Variants in NRG3 observed in about 807,000 individuals in gnomAD.
NRG3 encodes the protein pro-neuregulin-3, membrane-bound isoform.
Under a neutral mutation model 66.9 loss-of-function variants are expected in NRG3, and 31 were observed. The observed-to-expected ratio is 0.46, with a 90% confidence interval of 0.35 to 0.63. The LOEUF is 0.63. Ranked by LOEUF, NRG3 falls within the 20% of genes least tolerant of loss-of-function variation. NRG3 has a pLI of 0.00. For missense variants in NRG3, 910 were observed against 878.9 expected, an observed-to-expected ratio of 1.04 and a Z score of -0.45; for synonymous variants, 393 against 359.4, an observed-to-expected ratio of 1.09 and a Z score of -1.06.
At chr10:82,538,850 A>T (rs773590262) in intron 2 of NRG3, among the ~76,000 whole-genome samples, 2 of 152,194 alleles carry the variant, frequency 1.3e-5, no homozygotes, top group Admixed American at 6.5e-5. Context: ...TAGAGGAACT[A>T]TACTCTAGGT....
At chr10:82,469,850 T>C (rs1218302454) in intron 2 of NRG3, among the ~76,000 whole-genome samples, 1 of 152,248 alleles carries the variant, frequency 6.6e-6, no homozygotes, top group Non-Finnish European at 1.5e-5. Flanking sequence ...TATTTCCTTC[T>C]AATTACTTCC....
intron 1 of NRG3, among the ~76,000 whole-genome samples, chr10:82,052,276 A>G (rs2063635587): frequency 6.6e-6 from 1 of 152,138 alleles, no homozygotes; most frequent in Non-Finnish European, 1.5e-5. Flanking sequence ...CATTAACATC[A>G]ACTTCACCAG....
intron 1 of NRG3, among the ~76,000 whole-genome samples, chr10:82,167,875 A>G (rs1423854201): frequency 2.0e-5 from 3 of 152,048 alleles, no homozygotes; most frequent in Admixed American, 2.0e-4. Flanking sequence ...TTTGTTATTT[A>G]CCTATTAATT....
intron 1 of NRG3, among the ~76,000 whole-genome samples, chr10:81,986,755 G>A (rs1237959301): frequency 6.6e-6 from 1 of 152,128 alleles, no homozygotes. Flanking sequence ...ACAGTGGCAT[G>A]ATCATTGCCA....
At chr10:82,486,660 C>T (rs922833089) in intron 2 of NRG3, among the ~76,000 whole-genome samples, 1 of 152,174 alleles carries the variant, frequency 6.6e-6, no homozygotes, top group East Asian at 1.9e-4. Flanking sequence ...GATCTGCCCA[C>T]CTCAGCCTCC....
At chr10:82,817,661 A>T (rs920473075) in intron 3 of NRG3, among the ~76,000 whole-genome samples, 1 of 152,230 alleles carries the variant, frequency 6.6e-6, no homozygotes, top group African/African-American at 2.4e-5. Context: ...GGATGAAAAG[A>T]GCTACTCTTG....
At chr10:82,812,955 T>C (rs761743616) in intron 3 of NRG3, among the ~76,000 whole-genome samples, 2 of 152,064 alleles carry the variant, frequency 1.3e-5, no homozygotes, top group Non-Finnish European at 2.9e-5. Flanking sequence ...GTTAGAAAAA[T>C]CAAATGTGAA....
At chr10:82,664,346 A>G (rs899994440) in intron 2 of NRG3, among the ~76,000 whole-genome samples, 3 of 152,206 alleles carry the variant, frequency 2.0e-5, no homozygotes, top group Non-Finnish European at 2.9e-5. Flanking sequence ...TATCCTGCCA[A>G]TAAATCTAGT....
At chr10:82,261,257 G>A (rs1195134968) in intron 1 of NRG3, among the ~76,000 whole-genome samples, 1 of 152,002 alleles carries the variant, frequency 6.6e-6, no homozygotes, top group Non-Finnish European at 1.5e-5. Context: ...TTTTATAAGG[G>A]GCGCCACCCG....
At chr10:82,850,212 A>C (rs1203971862) in intron 3 of NRG3, among the ~76,000 whole-genome samples, 1 of 152,204 alleles carries the variant, frequency 6.6e-6, no homozygotes, top group Non-Finnish European at 1.5e-5. Context: ...GGGACATTGA[A>C]TATTAGCACT....
chr10:82,198,326 T>C (rs1353034553), intron 1 of NRG3, among the ~76,000 whole-genome samples: 1 of 144,100 alleles, frequency 6.9e-6, no homozygotes, highest in African/African-American at 2.5e-5. Context: ...TTGTTATTCT[T>C]GCAAAAGCTC....
chr10:82,781,534 T>C (rs1262137949), intron 3 of NRG3, among the ~76,000 whole-genome samples: 1 of 152,092 alleles, frequency 6.6e-6, no homozygotes, highest in Non-Finnish European at 1.5e-5. Flanking sequence ...CCAGAATCCA[T>C]CACTAGTCTG....
intron 1 of NRG3, among the ~76,000 whole-genome samples, chr10:82,264,976 A>T (rs1038684881): frequency 7.2e-5 from 11 of 152,172 alleles, no homozygotes; most frequent in African/African-American, 1.4e-4. Context: ...TCTGCTACAG[A>T]TGAAGTGAAG....
chr10:82,536,200 A>G (rs1202242143), intron 2 of NRG3, among the ~76,000 whole-genome samples: 1 of 152,162 alleles, frequency 6.6e-6, no homozygotes, highest in Non-Finnish European at 1.5e-5. Context: ...ATTTTTTAAC[A>G]CTATTTTCAT....
intron 1 of NRG3, among the ~76,000 whole-genome samples, chr10:82,109,949 A>G (rs552321446): frequency 6.6e-6 from 1 of 152,138 alleles, no homozygotes; most frequent in Non-Finnish European, 1.5e-5. Context: ...ACTGTGATTC[A>G]TTGATTCCTG....
In NRG3 at chr10:82,754,061, A is replaced by G. The variant is rs773991504; in HGVS notation, c.1027+15411A>G. ...TTTCCTTAAATCTTGAAATGAATCC[A>G]GACTTCTTTTTTCCTAGATGATTAC... is the stretch of plus-strand genomic sequence containing the variant. On this transcript the variant is annotated intron_variant, in intron 3 of 8. Coordinates refer to ENST00000372141, the MANE Select transcript of NRG3 (RefSeq NM_001010848.4). Among the ~76,000 whole-genome samples, 31 of 152,128 alleles carry G rather than the reference A, an allele frequency of 2.0e-4. No homozygotes were observed. The East Asian group carries it at 2.1e-3, about 10-fold the overall frequency.
At chr10:82,428,927 T>C (rs148289990) in intron 2 of NRG3, among the ~76,000 whole-genome samples, 222 of 152,148 alleles carry the variant, frequency 1.5e-3, no homozygotes, top group African/African-American at 5.0e-3. Flanking sequence ...AATTAACGTA[T>C]ATTACTGATA....
chr10:82,957,568 T>TA (rs1259314863), intron 5 of NRG3, among the ~76,000 whole-genome samples: 5 of 151,942 alleles, frequency 3.3e-5, no homozygotes, highest in Admixed American at 3.3e-4. Context: ...AATGCCTGAT[T>TA]ACAAGAACTA....
Position 82,986,415 on chromosome 10 carries a change from C to G in NRG3, c.*810C>G, listed in dbSNP as rs73316935. ...GTGTGTGTGTGTGGACTTGCTCACG[C>G]GGGCACATATGCTGTAAGCACATGT... On this transcript the variant is annotated 3_prime_UTR_variant, in exon 9 of 9. Transcript: ENST00000372141. The G allele has an allele frequency of 0.091, 13,771 of 152,082 alleles. 818 individuals are homozygous for G. The highest frequency in any genetic ancestry group is 0.15 in the African/African-American group (6,387 of 41,460). 9.4% of individuals were successfully genotyped at this position (152,082 alleles called of 1,614,324 possible).
Sources: gnomAD v4.1 joint callset for allele counts (sites outside exome capture counted in the v4.1 genomes callset) on GRCh38, gnomAD v4.1.1 for gene constraint, MANE v1.5 for transcripts, NCBI Gene and HGNC (gene_info 2026-07-23, HGNC 2026-07-21) for gene names.